DCLK2: variants seen among roughly 807,000 people sequenced by gnomAD.
The protein encoded by DCLK2 is doublecortin like kinase 2, also known as serine/threonine-protein kinase DCLK2.
A neutral mutation model predicts 78.4 loss-of-function variants in DCLK2; 31 were observed. That is an observed-to-expected ratio of 0.40 (90% CI 0.30 to 0.53). The LOEUF (loss-of-function observed/expected upper bound fraction) is 0.53, where lower values mean the gene tolerates loss of function less well. Among genes scored for constraint, DCLK2 ranks in the 20% least tolerant of loss-of-function variants. DCLK2 has a pLI of 0.61. For synonymous variants in DCLK2, 407 were observed against 374.9 expected (o/e 1.09, Z -0.99); for missense variants, 872 against 973.7 (o/e 0.90, Z 1.39).
intron 2 of DCLK2, among the ~76,000 whole-genome samples, chr4:150,182,925 G>A (rs142368342): frequency 0.016 from 2,362 of 152,104 alleles, 115 homozygotes; most frequent in Admixed American, 0.056. Flanking sequence ...GATAATGAAA[G>A]CATTTAATTT....
At chr4:150,094,032 C>T (rs943907574) in intron 1 of DCLK2, among the ~76,000 whole-genome samples, 1 of 152,074 alleles carries the variant, frequency 6.6e-6, no homozygotes. Flanking sequence ...AAACTGAAAC[C>T]TGGAACCTTA....
At chr4:150,148,378 T>A (rs1734631624) in intron 2 of DCLK2, among the ~76,000 whole-genome samples, 2 of 132,694 alleles carry the variant, frequency 1.5e-5, no homozygotes, top group South Asian at 2.4e-4. Flanking sequence ...AGAAAATTCA[T>A]GTCTTTTTTT....
intron 4 of DCLK2, chr4:150,198,995 G>C (rs1198671898): frequency 6.5e-7 from 1 of 1,546,768 alleles, no homozygotes; most frequent in African/African-American, 1.4e-5. Context: ...TCTCCTTACT[G>C]TCTTCTACTC....
At chr4:150,207,363 C>CCCTCTT (rs992981947) in intron 5 of DCLK2, among the ~76,000 whole-genome samples, 1 of 152,128 alleles carries the variant, frequency 6.6e-6, no homozygotes, top group Non-Finnish European at 1.5e-5. Context: ...CACCGTTTTT[C>CCCTCTT]CCTCTTTGTA....
rs776399770 is a variant in DCLK2 at position 150,240,521 on chromosome 4, C to T, written c.1778+45C>T. On this transcript the variant is annotated intron_variant, in intron 12 of 15. Transcript: ENST00000296550. ...ACGTATTTGAATTGCAAATGTTCTC[C>T]CTTGGGTCCAGAAGCAGGTACTTTG... 2.6e-6 allele frequency: 4 copies of T among 1,547,642 alleles called. No homozygotes were observed. In the Admixed American group the frequency reaches 5.2e-5, roughly 20 times the overall value.
At chr4:150,113,692 C>T (rs1199671612) in intron 2 of DCLK2, among the ~76,000 whole-genome samples, 2 of 130,500 alleles carry the variant, frequency 1.5e-5, no homozygotes, top group East Asian at 4.0e-4. Context: ...TTGCAAAGAA[C>T]CAACCTTTTT....
intron 5 of DCLK2, among the ~76,000 whole-genome samples, chr4:150,214,817 C>A (rs1215678380): frequency 1.3e-5 from 2 of 151,968 alleles, no homozygotes; most frequent in Non-Finnish European, 2.9e-5. Flanking sequence ...CAAAAATTAG[C>A]CAGGCGTGGT....
At chr4:150,248,096 T>G (rs1265439500) in intron 13 of DCLK2, among the ~76,000 whole-genome samples, 1 of 152,202 alleles carries the variant, frequency 6.6e-6, no homozygotes, top group East Asian at 1.9e-4. Flanking sequence ...AACATCTTAG[T>G]TTCACATGGA....
intron 1 of DCLK2, among the ~76,000 whole-genome samples, chr4:150,092,389 T>A (rs1730146239): frequency 6.6e-6 from 1 of 152,178 alleles, no homozygotes; most frequent in Admixed American, 6.5e-5. Flanking sequence ...TTTCACACTG[T>A]TTCCATAGCA....
chr4:150,226,462 A>G (rs999781527), intron 8 of DCLK2, among the ~76,000 whole-genome samples: 1 of 152,086 alleles, frequency 6.6e-6, no homozygotes, highest in Non-Finnish European at 1.5e-5. Context: ...TTTAAGCAGA[A>G]CGTATCATAA....
At chr4:150,080,111 G>GGCCCCC (rs1729138253) in intron 1 of DCLK2, among the ~76,000 whole-genome samples, 2 of 129,622 alleles carry the variant, frequency 1.5e-5, no homozygotes, top group Non-Finnish European at 3.6e-5. Context: ...AGTCTCAAAA[G>GGCCCCC]CCCCCCCCCC....
chr4:150,128,977 A>C (rs576833618), intron 2 of DCLK2, among the ~76,000 whole-genome samples: 1 of 152,292 alleles, frequency 6.6e-6, no homozygotes, highest in East Asian at 1.9e-4. Flanking sequence ...CTCAGAAGTA[A>C]TGCTAGCATT....
At chr4:150,226,744 T>C (rs1741648979) in intron 8 of DCLK2, among the ~76,000 whole-genome samples, 1 of 152,202 alleles carries the variant, frequency 6.6e-6, no homozygotes, top group African/African-American at 2.4e-5. Context: ...TTTTCCACTT[T>C]TACATTTTGC....
chr4:150,185,360 A>C (rs1737846049), intron 2 of DCLK2, among the ~76,000 whole-genome samples: 1 of 152,074 alleles, frequency 6.6e-6, no homozygotes, highest in African/African-American at 2.4e-5. Flanking sequence ...TACAGTTTGG[A>C]TTACAATTCA....
intron 2 of DCLK2, among the ~76,000 whole-genome samples, chr4:150,164,405 C>T (rs542172326): frequency 6.6e-6 from 1 of 152,316 alleles, no homozygotes; most frequent in Middle Eastern, 3.4e-3. Flanking sequence ...AATTAAAAGC[C>T]TATAGCTCAT....
intron 5 of DCLK2, among the ~76,000 whole-genome samples, chr4:150,204,436 G>A (rs796642374): frequency 7.9e-5 from 12 of 152,250 alleles, no homozygotes; most frequent in East Asian, 1.9e-4. Context: ...AACAGTAACC[G>A]TATGATTAGC....
chr4:150,190,248 T>C (rs11940061), intron 2 of DCLK2, among the ~76,000 whole-genome samples: 23,765 of 69,474 alleles, frequency 0.34, 2,301 homozygotes, highest in Middle Eastern at 0.47. Flanking sequence ...GATAGATAGA[T>C]AGATAGATAG....
At chr4:150,080,087 G>A (rs147909797) in intron 1 of DCLK2, among the ~76,000 whole-genome samples, 235 of 151,432 alleles carry the variant, frequency 1.6e-3, no homozygotes, top group African/African-American at 5.5e-3. Context: ...TTGGGGTGTG[G>A]GTTAGGCGTC....
intron 12 of DCLK2, among the ~76,000 whole-genome samples, chr4:150,244,473 A>G (rs1358035148): frequency 2.6e-5 from 4 of 152,210 alleles, no homozygotes; most frequent in East Asian, 3.8e-4. Context: ...TTTCAGGTTT[A>G]CCTTTTCTGA....
Sources: gnomAD v4.1 joint callset for allele counts (sites outside exome capture counted in the v4.1 genomes callset) on GRCh38, gnomAD v4.1.1 for gene constraint, MANE v1.5 for transcripts, NCBI Gene and HGNC (gene_info 2026-07-23, HGNC 2026-07-21) for gene names.